Variants in DMD observed in about 807,000 individuals in gnomAD.
The protein encoded by DMD is mutant dystrophin.
Under a neutral mutation model 330.1 loss-of-function variants are expected in DMD, and 63 were observed. The observed-to-expected ratio is 0.19, with a 90% CI of 0.16 to 0.24. The LOEUF (loss-of-function observed/expected upper bound fraction) is 0.24, where lower values mean the gene tolerates loss of function less well. Among genes scored for constraint, DMD ranks in the 10% least tolerant of loss-of-function variants. The pLI is 1.00. For missense variants in DMD, 3,344 were observed against 2,684.1 expected (o/e 1.25, Z -5.43); for synonymous variants, 1,223 against 959.8 (o/e 1.27, Z -5.07).
At chrX:33,202,453 T>C (rs1375198131) in intron 1 of DMD, among the ~76,000 whole-genome samples, 1 of 111,863 alleles carries the variant, frequency 8.9e-6, no homozygotes, top group Non-Finnish European at 1.9e-5. Context: ...TTATCACATA[T>C]GTATGTGATG....
chrX:31,360,467 G>T (rs139390477), intron 60 of DMD, among the ~76,000 whole-genome samples: 1,126 of 111,902 alleles, frequency 0.01, 11 homozygotes, highest in African/African-American at 0.035. Flanking sequence ...GAAGGTAATG[G>T]TAAAACCACA....
chrX:32,377,990 G>A (rs1228407413), intron 34 of DMD, among the ~76,000 whole-genome samples: 1 of 110,471 alleles, frequency 9.1e-6, no homozygotes, highest in Non-Finnish European at 1.9e-5. Flanking sequence ...AGCCATGTTG[G>A]TAGAAAAAAA....
chrX:32,818,562 G>A (rs908628815), intron 5 of DMD, among the ~76,000 whole-genome samples: 3 of 111,653 alleles, frequency 2.7e-5, no homozygotes, highest in African/African-American at 9.8e-5. Context: ...TTGTGTGTGT[G>A]CGCGCATACA....
intron 61 of DMD, among the ~76,000 whole-genome samples, chrX:31,341,870 T>TGC (rs1569529156): frequency 2.3e-4 from 18 of 79,081 alleles, no homozygotes; most frequent in African/African-American, 8.6e-4. Flanking sequence ...TGATCTGGCG[T>TGC]GCGCGCGTGC....
At chrX:32,469,976 G>C (rs775803021) in intron 22 of DMD, among the ~76,000 whole-genome samples, 54 of 110,942 alleles carry the variant, frequency 4.9e-4, no homozygotes, top group Admixed American at 8.7e-4. Flanking sequence ...ATGTTATTAG[G>C]ATGCACTGAA....
intron 45 of DMD, among the ~76,000 whole-genome samples, chrX:31,941,650 A>G (rs1181682455): frequency 9.0e-6 from 1 of 111,507 alleles, no homozygotes. Flanking sequence ...CCCACCACAC[A>G]CAGGTAGTGA....
chrX:31,896,663 T>C (rs1239684829), intron 47 of DMD, among the ~76,000 whole-genome samples: 3 of 111,867 alleles, frequency 2.7e-5, no homozygotes, highest in East Asian at 2.8e-4. Flanking sequence ...TTTACCTTTA[T>C]TGAGTATAGA....
chrX:31,720,387 T>G (rs1002114103), intron 52 of DMD, among the ~76,000 whole-genome samples: 1 of 111,923 alleles, frequency 8.9e-6, no homozygotes, highest in Non-Finnish European at 1.9e-5. Flanking sequence ...AAATGCATGA[T>G]GCCATCAGGG....
At chrX:32,091,512 A>AT (rs1429027055) in intron 44 of DMD, among the ~76,000 whole-genome samples, 1,220 of 105,211 alleles carry the variant, frequency 0.012, 19 homozygotes, top group African/African-American at 0.038. Context: ...TGCTACAGCT[A>AT]TTTTTTTTTT....
chrX:32,762,845 T>G (rs1215180490), intron 7 of DMD, among the ~76,000 whole-genome samples: 1 of 111,577 alleles, frequency 9.0e-6, no homozygotes, highest in Non-Finnish European at 1.9e-5. Flanking sequence ...CATGACCTAA[T>G]TAATGTAGTA....
chrX:32,208,185 G>C (rs144736697), intron 44 of DMD, among the ~76,000 whole-genome samples: 5 of 111,680 alleles, frequency 4.5e-5, no homozygotes, highest in African/African-American at 1.6e-4. Context: ...TGCAAACGTG[G>C]GTACAACAGG....
chrX:31,683,979 G>A (rs1333990514), intron 52 of DMD, among the ~76,000 whole-genome samples: 10 of 111,742 alleles, frequency 8.9e-5, no homozygotes, highest in Admixed American at 8.6e-4. Flanking sequence ...TTTAACAAAT[G>A]AGGAAATAAA....
chrX:32,732,565 C>A (rs1021606005), intron 7 of DMD, among the ~76,000 whole-genome samples: 2 of 111,433 alleles, frequency 1.8e-5, no homozygotes, highest in African/African-American at 3.3e-5. Flanking sequence ...GCGGATCTCT[C>A]GGCAGACACC....
chrX:31,639,309 C>A (rs1319447015), intron 54 of DMD, among the ~76,000 whole-genome samples: 1 of 111,577 alleles, frequency 9.0e-6, no homozygotes, highest in African/African-American at 3.3e-5. Context: ...AAAGAACTCT[C>A]CCAAGTCTGA....
intron 50 of DMD, among the ~76,000 whole-genome samples, chrX:31,797,365 T>C (rs765288860): frequency 9.2e-6 from 1 of 108,722 alleles, no homozygotes; most frequent in Non-Finnish European, 1.9e-5. Context: ...ACTAACACAA[T>C]AGAGAATTTA....
chrX:31,361,498 G>A (rs2058933363), intron 60 of DMD, among the ~76,000 whole-genome samples: 1 of 111,465 alleles, frequency 9.0e-6, no homozygotes, highest in Non-Finnish European at 1.9e-5. Flanking sequence ...AGGGCAATAT[G>A]TATTTTTGGA....
intron 1 of DMD, among the ~76,000 whole-genome samples, chrX:33,281,212 T>C (rs958314658): frequency 2.1e-4 from 21 of 99,203 alleles, no homozygotes; most frequent in African/African-American, 8.2e-4. Context: ...GCTATTGCAT[T>C]TTTTTTTTTT....
intron 2 of DMD, among the ~76,000 whole-genome samples, chrX:32,872,718 G>A (rs1226039718): frequency 7.1e-5 from 8 of 112,135 alleles, no homozygotes; most frequent in African/African-American, 2.6e-4. Context: ...GGGAAGTAGG[G>A]GAAGTGGATG....
At chrX:32,394,517 G>C (rs1456573372) in intron 30 of DMD, among the ~76,000 whole-genome samples, 2 of 111,977 alleles carry the variant, frequency 1.8e-5, no homozygotes, top group South Asian at 3.7e-4. Context: ...AAAAAGATCA[G>C]ATGTGACAGT....
Sources: allele counts gnomAD v4.1 joint callset (sites outside exome capture counted in the v4.1 genomes callset), GRCh38; gene constraint gnomAD v4.1.1; transcripts MANE v1.5; gene names NCBI Gene and HGNC (gene_info 2026-07-23, HGNC 2026-07-21).